RC3H2: variants seen among roughly 807,000 people sequenced by gnomAD.
RC3H2 encodes the protein ring finger and CCCH-type domains 2.
RC3H2 carries 31 observed loss-of-function variants against 133.3 expected under a neutral mutation model. The ratio of observed to expected loss-of-function variants is 0.23; its 90% CI spans 0.17 to 0.31. RC3H2 has a LOEUF of 0.31. RC3H2 is among the 10% of genes least tolerant of loss of function. The pLI, the probability that RC3H2 is intolerant of heterozygous loss-of-function variation, is 1.00. For missense variants in RC3H2, 1,175 were observed against 1,437.2 expected, an observed-to-expected ratio of 0.82 and a Z score of 2.95; for synonymous variants, 517 against 502.2, an observed-to-expected ratio of 1.03 and a Z score of -0.40.
At chr9:122,866,741 A>C (rs1187797824) in intron 9 of RC3H2, among the ~76,000 whole-genome samples, 1 of 152,010 alleles carries the variant, frequency 6.6e-6, no homozygotes, top group African/African-American at 2.4e-5. Flanking sequence ...CAGTGGTGTG[A>C]TCTCAGCTCG....
In RC3H2 at chr9:122,851,677, T is replaced by C. The variant is rs1830025274; in HGVS notation, c.3118-241A>G. The C allele has an allele frequency of 2.5e-5, 11 of 448,082 alleles. No individual in the cohort carries two copies. The South Asian group carries it at 2.7e-4, about 11-fold the overall frequency. The allele number at this position is 448,082 out of a possible 1,614,324, so 27.8% of individuals were successfully genotyped here. ...ACGCCTGACTGGTTTTCGTATTTTT[T>C]TGGTGGAGACGGGGTTTCGCTGTGA... On this transcript the variant is annotated intron_variant, in intron 18 of 20. Coordinates refer to ENST00000357244, the MANE Select transcript of RC3H2 (RefSeq NM_001100588.3).
chr9:122,867,708 T>C (rs1486404356), intron 9 of RC3H2, among the ~76,000 whole-genome samples: 1 of 95,082 alleles, frequency 1.1e-5, no homozygotes, highest in African/African-American at 4.1e-5. Context: ...CGCCTCTGCC[T>C]GGCCGCGACC....
chr9:122,866,492 T>C (rs1368566839), intron 9 of RC3H2, among the ~76,000 whole-genome samples: 2 of 151,520 alleles, frequency 1.3e-5, no homozygotes, highest in African/African-American at 4.9e-5. Context: ...CTCGGCTCAC[T>C]GCAACCTCCC....
At chr9:122,869,671 T>G (rs940845487) in intron 9 of RC3H2, among the ~76,000 whole-genome samples, 2 of 151,112 alleles carry the variant, frequency 1.3e-5, no homozygotes, top group Non-Finnish European at 1.5e-5. Context: ...CAAGCAATTC[T>G]CCTGCCTCAG....
Position 122,877,598 on chromosome 9 carries a change from A to T in RC3H2, c.1213-15T>A. Reference sequence around the variant, plus strand: ...TTTGGCTGAGGCTACAAAAATGGGAACACATTCAATGAGTGGCAAGGTGAA... The same window carrying T: ...TTTGGCTGAGGCTACAAAAATGGGATCACATTCAATGAGTGGCAAGGTGAA... On this transcript the variant is annotated splice_polypyrimidine_tract_variant and intron_variant, in intron 8 of 20. Transcript: ENST00000357244. 6.2e-7 allele frequency: 1 copy of T among 1,602,838 alleles called. No homozygotes were observed. Among genetic ancestry groups the T allele is most frequent in the Non-Finnish European group, 8.5e-7 (1 of 1,169,866 alleles).
In RC3H2 at chr9:122,897,234, G is replaced by T. The variant is rs756292144; in HGVS notation, c.231+45C>A. 5.7e-6 allele frequency: 9 copies of T among 1,567,874 alleles called. No homozygotes were observed. In the South Asian group the frequency reaches 1.0e-4, roughly 18 times the overall value. On this transcript the variant is annotated intron_variant, in intron 2 of 20. Transcript: ENST00000357244. Reference sequence around the variant, plus strand: ...AGCCGTTAAAATAATGGCAAAAATAGTGATTATTTTTGCACCAACCTATAG... The same window carrying T: ...AGCCGTTAAAATAATGGCAAAAATATTGATTATTTTTGCACCAACCTATAG...
chr9:122,851,553 G>A, intron 18 of RC3H2, 117 bp from the exon 19 acceptor site: 1 of 1,374,204 alleles, frequency 7.3e-7, no homozygotes, highest in Non-Finnish European at 9.8e-7. Context: ...CCGAGCCGAA[G>A]CTGGACTATA....
intron 18 of RC3H2, among the ~76,000 whole-genome samples, chr9:122,852,602 C>T (rs1248434544): frequency 4.0e-5 from 6 of 150,378 alleles, no homozygotes; most frequent in Non-Finnish European, 7.4e-5. Flanking sequence ...GCCCCCGGCC[C>T]GGCCAGCCGC....
intron 9 of RC3H2, among the ~76,000 whole-genome samples, chr9:122,873,546 A>C (rs1045706181): frequency 2.0e-5 from 3 of 151,882 alleles, no homozygotes; most frequent in African/African-American, 7.3e-5. Flanking sequence ...CCATCTCTAC[A>C]AAAAATATAA....
chr9:122,851,662 G>T, intron 18 of RC3H2: 1 of 505,378 alleles, frequency 2.0e-6, no homozygotes, highest in South Asian at 2.4e-5. Flanking sequence ...ACGCCTGACT[G>T]GTTTTCGTAT....
At chr9:122,884,598 AT>A (rs920905704) in intron 4 of RC3H2, among the ~76,000 whole-genome samples, 20 of 152,100 alleles carry the variant, frequency 1.3e-4, no homozygotes, top group African/African-American at 4.8e-4. Context: ...CATGCTTGTA[AT>A]CCCAGCACTT....
Position 122,854,197 on chromosome 9 carries a change from A to G in RC3H2, c.2970T>C (p.Leu990=). 2 of 1,613,874 alleles carry G rather than the reference A, an allele frequency of 1.2e-6. No homozygotes were observed. Among genetic ancestry groups the G allele is most frequent in the Non-Finnish European group, 1.7e-6 (2 of 1,179,908 alleles). Residue 990 remains leucine (L), a synonymous_variant, in exon 17 of 21, where the codon CTT becomes CTC. Transcript: ENST00000357244. ...KHSSTGDLLS[L]ELQQAKSNSL... ...TTACAGAGCCTACCTGCTGAAGTTC[A>G]AGGCTCAAAAGGTCCCCAGTACTGG...
chr9:122,890,425 G>C lies in RC3H2; in HGVS notation c.470C>G (p.Ser157Cys). Reference protein sequence around the residue: ...GRVRAMRAARSLGERTVTELI... With the variant: ...GRVRAMRAARCLGERTVTELI... ...TTCTGTTACAGTTCTTTCTCCAAGG[G>C]AACGAGCTGCTCGCATGGCTCTTAC... The change falls in exon 4 of 21, where the codon TCC (serine) becomes TGC (cysteine). Residue 157 changes from serine to cysteine, a missense_variant. By Grantham distance (112) the Ser-to-Cys change is moderately radical. This residue lies in a region of RC3H2 where 121 missense variants were observed against 243.5 expected (regional missense o/e 0.50). Coordinates refer to ENST00000357244, the MANE Select transcript of RC3H2 (RefSeq NM_001100588.3). 1.2e-6 allele frequency: 2 copies of C among 1,614,102 alleles called. No homozygotes were observed. The highest frequency in any genetic ancestry group is 1.7e-6 in the Non-Finnish European group (2 of 1,180,016).
intron 2 of RC3H2, among the ~76,000 whole-genome samples, chr9:122,895,762 A>G (rs1318948818): frequency 6.6e-6 from 1 of 152,228 alleles, no homozygotes; most frequent in Non-Finnish European, 1.5e-5. Context: ...TTCTGGCTTT[A>G]ATATGTAGCA....
intron 9 of RC3H2, among the ~76,000 whole-genome samples, chr9:122,870,472 A>T (rs1831036965): frequency 6.6e-6 from 1 of 152,226 alleles, no homozygotes; most frequent in African/African-American, 2.4e-5. Context: ...CAAAAAATAA[A>T]GTTTTAACTA....
Position 122,845,542 on chromosome 9 carries a change from A to T in RC3H2, c.*4085T>A, listed in dbSNP as rs1031311709. The T allele has an allele frequency of 1.3e-5, 2 of 151,984 alleles. No individual in the cohort carries two copies. The highest frequency in any genetic ancestry group is 2.4e-5 in the African/African-American group (1 of 41,364). The allele number at this position is 151,984 out of a possible 1,614,324, so 9.4% of individuals were successfully genotyped here. A position where few individuals can be genotyped will look rare whatever the true frequency, so the allele number is the denominator to read the frequency against. On this transcript the variant is annotated 3_prime_UTR_variant, in exon 21 of 21. Coordinates refer to ENST00000357244, the MANE Select transcript of RC3H2 (RefSeq NM_001100588.3). ...TTGGGAATATTTTAAAAATTTTATT[A>T]AAAAAAAGAAAAAACTGCCAATTTT...
intron 18 of RC3H2, among the ~76,000 whole-genome samples, chr9:122,852,350 C>T (rs7026810): frequency 0.69 from 94,067 of 135,750 alleles, 31,657 homozygotes; most frequent in East Asian, 0.92. Context: ...GCAGCCACCC[C>T]GTCTGGGAAG....
At chr9:122,881,659 T>C (rs1277714321) in intron 5 of RC3H2, among the ~76,000 whole-genome samples, 1 of 152,038 alleles carries the variant, frequency 6.6e-6, no homozygotes, top group Non-Finnish European at 1.5e-5. Context: ...CCACTGACTT[T>C]TTTTGCAGGG....
chr9:122,851,470 C>G, intron 18 of RC3H2, 34 bp from the exon 19 acceptor site: 1 of 1,604,656 alleles, frequency 6.2e-7, no homozygotes, highest in Non-Finnish European at 8.5e-7. Context: ...CTCCCTCTCC[C>G]TCTCCCTCTC....
Sources: allele counts gnomAD v4.1 joint callset (sites outside exome capture counted in the v4.1 genomes callset), GRCh38; gene constraint gnomAD v4.1.1; regional missense constraint gnomAD v4.1.1; transcripts MANE v1.5; gene names NCBI Gene and HGNC (gene_info 2026-07-23, HGNC 2026-07-21).